NCKAP5: variants seen among roughly 807,000 people sequenced by gnomAD.
The protein encoded by NCKAP5 is NCK associated protein 5.
In NCKAP5, 92 loss-of-function variants were observed where a neutral mutation model predicts 167.0. The observed-to-expected ratio is 0.55, with a 90% CI of 0.47 to 0.66. The LOEUF is 0.66. Ranked by LOEUF, NCKAP5 falls within the 30% of genes least tolerant of loss-of-function variation. The pLI is 0.00. For synonymous variants in NCKAP5, 891 were observed against 877.4 expected (o/e 1.02, Z -0.27); for missense variants, 2,378 against 2,315.0 (o/e 1.03, Z -0.56).
chr2:132,720,072 C>T (rs79094329), intron 19 of NCKAP5, among the ~76,000 whole-genome samples: 8,981 of 152,216 alleles, frequency 0.059, 893 homozygotes, highest in African/African-American at 0.21. Context: ...CTCCCTTCAT[C>T]CGGAGATTGG....
At chr2:132,757,696 G>A (rs1216920801) in intron 16 of NCKAP5, among the ~76,000 whole-genome samples, 1 of 152,194 alleles carries the variant, frequency 6.6e-6, no homozygotes, top group Non-Finnish European at 1.5e-5. Flanking sequence ...TGGGAATCCA[G>A]GTGAAACTGT....
chr2:133,560,323 A>C (rs1162256632), intron 1 of NCKAP5, among the ~76,000 whole-genome samples: 1 of 152,226 alleles, frequency 6.6e-6, no homozygotes, highest in African/African-American at 2.4e-5. Context: ...CTAGGTCCTA[A>C]GGTTACAATT....
intron 8 of NCKAP5, among the ~76,000 whole-genome samples, chr2:132,958,604 T>A (rs774549177): frequency 1.3e-5 from 2 of 152,190 alleles, no homozygotes; most frequent in Admixed American, 6.5e-5. Context: ...TGTGAACTCA[T>A]CTTCTTCCAT....
chr2:133,654,274 A>G, the NCKAP5 span, among the ~76,000 whole-genome samples: 2 of 152,064 alleles, frequency 1.3e-5, no homozygotes, highest in Admixed American at 6.6e-5. Context: ...GCTACTTGGG[A>G]GGCTGAGGCA....
chr2:133,605,410 G>A, the NCKAP5 span, among the ~76,000 whole-genome samples: 3 of 152,180 alleles, frequency 2.0e-5, no homozygotes, highest in African/African-American at 7.2e-5. Context: ...GACAACCGAG[G>A]CTGTGGTCCC....
chr2:133,091,972 G>C (rs1370709239), intron 6 of NCKAP5, among the ~76,000 whole-genome samples: 1 of 152,088 alleles, frequency 6.6e-6, no homozygotes, highest in Non-Finnish European at 1.5e-5. Flanking sequence ...GCCATGTTTT[G>C]ATGAGTACAT....
rs1301934679 is a variant in NCKAP5 at position 132,783,938 on chromosome 2, G to C, written c.2873C>G (p.Thr958Ser). The C allele has an allele frequency of 1.3e-6, 2 of 1,581,370 alleles. No individual in the cohort carries two copies. The highest frequency in any genetic ancestry group is 4.5e-5 in the East Asian group (2 of 44,672). ...CCTTGCTGTTTCACTGGGGACCCTGGTTTCGGACTTGGTGGATGAAGGTGC... is the reference window on the plus strand; with the variant it reads ...CCTTGCTGTTTCACTGGGGACCCTGCTTTCGGACTTGGTGGATGAAGGTGC... ...SPAPSSTKSE[T>S]RVPSETARTP... The change falls in exon 14 of 20, where the codon ACC becomes AGC. Residue 958 changes from threonine (T) to serine (S), a missense_variant. This residue lies in a region of NCKAP5 where 1,325 missense variants were observed against 1,274.5 expected (regional missense o/e 1.04). Transcript: ENST00000409261.
At chr2:132,790,261 A>C in intron 12 of NCKAP5, 56 bp from the exon 13 acceptor site, 1 of 1,477,298 alleles carries the variant, frequency 6.8e-7, no homozygotes, top group African/African-American at 1.4e-5. Flanking sequence ...AGTAAATATC[A>C]ACACAACCTT....
intron 8 of NCKAP5, among the ~76,000 whole-genome samples, chr2:132,896,386 A>G (rs572657357): frequency 6.6e-6 from 1 of 152,332 alleles, no homozygotes; most frequent in Admixed American, 6.5e-5. Context: ...TAACAGATTC[A>G]TACACCACCC....
chr2:132,773,954 A>C lies in NCKAP5; in HGVS notation c.5050-60T>G. The C allele has an allele frequency of 2.8e-6, 4 of 1,414,440 alleles. No individual in the cohort carries two copies. The East Asian group carries it at 9.1e-5, about 32-fold the overall frequency. 87.6% of individuals were successfully genotyped at this position (1,414,440 alleles called of 1,614,324 possible). The stretch of plus-strand genomic sequence containing the variant: ...TGTTTTATTAAAAAGATCCTTTTGC[A>C]ATCCTCAGAGTAATGGTACATTCTA... On this transcript the variant is annotated intron_variant, in intron 15 of 19. Transcript: ENST00000409261.
intron 6 of NCKAP5, among the ~76,000 whole-genome samples, chr2:133,005,746 A>T (rs1340581443): frequency 6.6e-6 from 1 of 152,188 alleles, no homozygotes; most frequent in African/African-American, 2.4e-5. Flanking sequence ...TGAATTTATT[A>T]TTGGCCCCCA....
At chr2:133,093,254 G>A (rs1439725960) in intron 6 of NCKAP5, among the ~76,000 whole-genome samples, 1 of 152,156 alleles carries the variant, frequency 6.6e-6, no homozygotes, top group Non-Finnish European at 1.5e-5. Context: ...TGATGGCTGT[G>A]GTAGACACCT....
chr2:132,977,513 C>A (rs1270090173), intron 7 of NCKAP5, among the ~76,000 whole-genome samples: 1 of 152,132 alleles, frequency 6.6e-6, no homozygotes, highest in African/African-American at 2.4e-5. Context: ...CCCTAAGACA[C>A]CCTGGGAATT....
At chr2:133,158,023 A>G (rs1028391169) in intron 5 of NCKAP5, among the ~76,000 whole-genome samples, 2 of 152,214 alleles carry the variant, frequency 1.3e-5, no homozygotes, top group Non-Finnish European at 2.9e-5. Context: ...TCATAAAAAT[A>G]TATTTCAACT....
intron 2 of NCKAP5, among the ~76,000 whole-genome samples, chr2:133,534,692 A>G (rs1685621894): frequency 6.6e-6 from 1 of 152,168 alleles, no homozygotes; most frequent in Non-Finnish European, 1.5e-5. Context: ...ATTGACTAAT[A>G]TTCTATTATA....
At chr2:133,226,423 C>T (rs1299657621) in intron 4 of NCKAP5, among the ~76,000 whole-genome samples, 1 of 152,050 alleles carries the variant, frequency 6.6e-6, no homozygotes, top group African/African-American at 2.4e-5. Flanking sequence ...TATGGTTCAG[C>T]ATTATGAGTT....
chr2:133,485,441 T>A (rs950449279), intron 3 of NCKAP5, among the ~76,000 whole-genome samples: 4 of 152,174 alleles, frequency 2.6e-5, no homozygotes, highest in Non-Finnish European at 5.9e-5. Flanking sequence ...ACCATATTTA[T>A]GAGGAAGTGT....
At chr2:133,507,174 G>A (rs1252614808) in intron 3 of NCKAP5, among the ~76,000 whole-genome samples, 2 of 152,146 alleles carry the variant, frequency 1.3e-5, no homozygotes, top group African/African-American at 4.8e-5. Context: ...ACCCAAGCTG[G>A]ATCACTGCCA....
At chr2:132,772,955 T>A (rs961198278) in intron 16 of NCKAP5, among the ~76,000 whole-genome samples, 1 of 152,198 alleles carries the variant, frequency 6.6e-6, no homozygotes, top group Non-Finnish European at 1.5e-5. Flanking sequence ...GGATACTGAT[T>A]ATACTGGACA....
Sources: allele counts gnomAD v4.1 joint callset (sites outside exome capture counted in the v4.1 genomes callset), GRCh38; gene constraint gnomAD v4.1.1; regional missense constraint gnomAD v4.1.1; transcripts MANE v1.5; gene names NCBI Gene and HGNC (gene_info 2026-07-23, HGNC 2026-07-21).